Variants in RGS6 observed in about 807,000 individuals in gnomAD.
RGS6 encodes regulator of G-protein signaling 6.
A neutral mutation model predicts 78.5 loss-of-function variants in RGS6; 30 were observed. The observed-to-expected ratio is 0.38, with a 90% CI of 0.29 to 0.52. The LOEUF (loss-of-function observed/expected upper bound fraction) is 0.52, where lower values mean the gene tolerates loss of function less well. Ranked by LOEUF, RGS6 falls within the 20% of genes least tolerant of loss-of-function variation. The probability of loss-of-function intolerance (pLI) is 0.85; values close to 1 mark genes in which losing one functional copy is unlikely to be tolerated. For missense variants in RGS6, 495 were observed against 609.7 expected, an observed-to-expected ratio of 0.81 and a Z score of 1.98; for synonymous variants, 206 against 206.0, an observed-to-expected ratio of 1.00 and a Z score of 0.00.
chr14:72,190,431 G>A (rs1474776742), intron 2 of RGS6, among the ~76,000 whole-genome samples: 1 of 152,206 alleles, frequency 6.6e-6, no homozygotes, highest in Non-Finnish European at 1.5e-5. Context: ...GACAGCTTTT[G>A]CTTGGGCTGG....
At chr14:72,319,182 T>C (rs2071155073) in intron 2 of RGS6, among the ~76,000 whole-genome samples, 1 of 152,182 alleles carries the variant, frequency 6.6e-6, no homozygotes, top group Non-Finnish European at 1.5e-5. Flanking sequence ...ACACTCACTA[T>C]AGGTGATTCC....
At chr14:72,503,209 C>T (rs1054063561) in intron 13 of RGS6, among the ~76,000 whole-genome samples, 12 of 152,256 alleles carry the variant, frequency 7.9e-5, no homozygotes, top group African/African-American at 2.9e-4. Flanking sequence ...AATTACCTCC[C>T]AAAGGCTTCA....
intron 2 of RGS6, among the ~76,000 whole-genome samples, chr14:72,214,180 T>TA (rs901840496): frequency 3.5e-5 from 5 of 142,322 alleles, no homozygotes; most frequent in East Asian, 3.9e-4. Flanking sequence ...TTTTCTTATT[T>TA]TTTTTTTTTT....
intron 2 of RGS6, among the ~76,000 whole-genome samples, chr14:72,190,109 A>C (rs1475011000): frequency 1.3e-5 from 2 of 152,006 alleles, no homozygotes; most frequent in African/African-American, 4.8e-5. Context: ...CTGGAGGTGC[A>C]CTGAGGACTT....
intron 2 of RGS6, among the ~76,000 whole-genome samples, chr14:72,130,746 A>G (rs2096296171): frequency 6.6e-6 from 1 of 152,230 alleles, no homozygotes; most frequent in South Asian, 2.1e-4. Flanking sequence ...CTGTTTTCCT[A>G]TCATTTGCTT....
chr14:72,512,680 GC>G (rs1481637191), intron 14 of RGS6, among the ~76,000 whole-genome samples: 1 of 152,214 alleles, frequency 6.6e-6, no homozygotes, highest in African/African-American at 2.4e-5. Context: ...CTCTCTGGAT[GC>G]CCAAATTCCA....
chr14:72,323,449 C>A (rs1183543483), intron 2 of RGS6, among the ~76,000 whole-genome samples: 3 of 149,382 alleles, frequency 2.0e-5, no homozygotes, highest in Admixed American at 6.6e-5. Flanking sequence ...AAAAAAAAAA[C>A]AATAGAATCT....
the RGS6 span, among the ~76,000 whole-genome samples, chr14:71,872,266 C>G: frequency 6.6e-6 from 1 of 152,204 alleles, no homozygotes; most frequent in African/African-American, 2.4e-5. Flanking sequence ...GATTCGGTGA[C>G]TCAGGGCTTC....
At chr14:71,986,545 A>G (rs1019905837) in intron 2 of RGS6, among the ~76,000 whole-genome samples, 5 of 152,034 alleles carry the variant, frequency 3.3e-5, no homozygotes, top group African/African-American at 4.8e-5. Flanking sequence ...TATTTAAAAA[A>G]AAAAAAATAC....
intron 2 of RGS6, among the ~76,000 whole-genome samples, chr14:72,114,332 CTT>C (rs1024523710): frequency 2.0e-5 from 3 of 152,186 alleles, no homozygotes; most frequent in Admixed American, 6.5e-5. Flanking sequence ...GCCAGTCTCT[CTT>C]TGTTTGTTGC....
At chr14:72,588,822 C>T in the RGS6 span, among the ~76,000 whole-genome samples, 1 of 152,296 alleles carries the variant, frequency 6.6e-6, no homozygotes, top group Admixed American at 6.5e-5. Flanking sequence ...TCCACAAACT[C>T]GTTGGCCTGG....
chr14:72,396,792 T>G (rs1029497876), intron 3 of RGS6, among the ~76,000 whole-genome samples: 1 of 152,236 alleles, frequency 6.6e-6, no homozygotes, highest in African/African-American at 2.4e-5. Context: ...CACCATTTAT[T>G]AAATAGGGAA....
At chr14:72,444,388 G>C (rs947258693) in intron 3 of RGS6, among the ~76,000 whole-genome samples, 1 of 152,050 alleles carries the variant, frequency 6.6e-6, no homozygotes, top group Non-Finnish European at 1.5e-5. Flanking sequence ...GGGGGGATGG[G>C]GCTTGGGGGA....
intron 3 of RGS6, among the ~76,000 whole-genome samples, chr14:72,443,296 CTA>C (rs1481438715): frequency 3.3e-5 from 5 of 152,220 alleles, no homozygotes; most frequent in African/African-American, 1.2e-4. Context: ...GTTCAGAGCA[CTA>C]TACCCGTAAG....
chr14:72,500,999 G>A (rs565827794), intron 13 of RGS6, among the ~76,000 whole-genome samples: 48 of 152,180 alleles, frequency 3.2e-4, no homozygotes, highest in African/African-American at 1.1e-3. Context: ...CCTCCCAAAC[G>A]CTTCATGAGA....
intron 2 of RGS6, among the ~76,000 whole-genome samples, chr14:72,180,875 C>T (rs150305008): frequency 0.01 from 1,574 of 152,362 alleles, 15 homozygotes; most frequent in Non-Finnish European, 0.016. Flanking sequence ...GGACAATCCT[C>T]TCCAGATGCC....
At chr14:72,275,548 A>G (rs1228369206) in intron 2 of RGS6, among the ~76,000 whole-genome samples, 3 of 152,214 alleles carry the variant, frequency 2.0e-5, no homozygotes, top group South Asian at 2.1e-4. Context: ...TAGGGAATCA[A>G]TGTCTATAGT....
At chr14:72,266,100 G>T (rs1314480437) in intron 2 of RGS6, among the ~76,000 whole-genome samples, 1 of 152,110 alleles carries the variant, frequency 6.6e-6, no homozygotes, top group East Asian at 1.9e-4. Context: ...ATTCCAGCCG[G>T]ACTCAGCTGG....
chr14:71,890,985 G>A, the RGS6 span, among the ~76,000 whole-genome samples: 3 of 152,176 alleles, frequency 2.0e-5, no homozygotes, highest in African/African-American at 4.8e-5. Flanking sequence ...CTAGAGTGAA[G>A]GGGTGATTTA....
Sources: allele counts gnomAD v4.1 joint callset (sites outside exome capture counted in the v4.1 genomes callset), GRCh38; gene constraint gnomAD v4.1.1; transcripts MANE v1.5; gene names NCBI Gene and HGNC (gene_info 2026-07-23, HGNC 2026-07-21).